ZNF385D: variants seen among roughly 807,000 people sequenced by gnomAD.
ZNF385D encodes zinc finger protein 659.
ZNF385D carries 15 observed loss-of-function variants against 35.8 expected under a neutral mutation model. The observed-to-expected ratio is 0.42, with a 90% CI of 0.28 to 0.64. The LOEUF (loss-of-function observed/expected upper bound fraction) is 0.64, where lower values mean the gene tolerates loss of function less well. Among genes scored for constraint, ZNF385D ranks in the 30% least tolerant of loss-of-function variants. The pLI, the probability that ZNF385D is intolerant of heterozygous loss-of-function variation, is 0.23. For synonymous variants in ZNF385D, 212 were observed against 186.8 expected (o/e 1.13, Z -1.10); for missense variants, 474 against 494.6 (o/e 0.96, Z 0.39).
At chr3:22,128,375 G>T (rs984360188) in intron 3 of ZNF385D, among the ~76,000 whole-genome samples, 6 of 151,706 alleles carry the variant, frequency 4.0e-5, no homozygotes, top group African/African-American at 1.5e-4. Flanking sequence ...CTCTTATTTG[G>T]GTTAAATCTT....
At chr3:22,035,036 A>G (rs963728979) in intron 3 of ZNF385D, among the ~76,000 whole-genome samples, 3 of 152,234 alleles carry the variant, frequency 2.0e-5, no homozygotes, top group Non-Finnish European at 2.9e-5. Flanking sequence ...TAAAGTCAAC[A>G]TTGTCGATTT....
intron 1 of ZNF385D, among the ~76,000 whole-genome samples, chr3:21,690,070 C>T (rs1271850579): frequency 6.6e-6 from 1 of 152,014 alleles, no homozygotes; most frequent in Non-Finnish European, 1.5e-5. Context: ...ATCCTTTATT[C>T]TAGCCGTAAA....
At chr3:21,887,044 T>A (rs892158713) in intron 3 of ZNF385D, among the ~76,000 whole-genome samples, 5 of 152,132 alleles carry the variant, frequency 3.3e-5, no homozygotes, top group Admixed American at 3.3e-4. Flanking sequence ...CATTTATTGA[T>A]CCTTTCTTAT....
At chr3:22,308,456 T>C (rs919999243) in intron 2 of ZNF385D, among the ~76,000 whole-genome samples, 30 of 151,334 alleles carry the variant, frequency 2.0e-4, no homozygotes, top group Admixed American at 1.7e-3. Context: ...TTTGAGAAAG[T>C]GAAAGAGAGA....
chr3:22,349,590 AC>A (rs1350675136), intron 2 of ZNF385D, among the ~76,000 whole-genome samples: 1 of 152,208 alleles, frequency 6.6e-6, no homozygotes, highest in Admixed American at 6.5e-5. Context: ...ATAAGATTTG[AC>A]ATTTCTGGGA....
At chr3:22,087,629 G>A (rs958677295) in intron 3 of ZNF385D, among the ~76,000 whole-genome samples, 1 of 152,052 alleles carries the variant, frequency 6.6e-6, no homozygotes. Flanking sequence ...GGGGATTTTT[G>A]AGCTATCACA....
intron 3 of ZNF385D, among the ~76,000 whole-genome samples, chr3:21,778,782 C>T (rs2071386761): frequency 6.6e-6 from 1 of 151,786 alleles, no homozygotes; most frequent in Admixed American, 6.6e-5. Context: ...AATCAATAAG[C>T]CACTGTGGTT....
intron 2 of ZNF385D, among the ~76,000 whole-genome samples, chr3:21,584,012 C>T (rs4102414): frequency 0.36 from 54,691 of 150,022 alleles, 9,877 homozygotes; most frequent in Middle Eastern, 0.43. Flanking sequence ...TTTTGCCTGT[C>T]GCCCAGGCTG....
Position 21,592,756 on chromosome 3 carries a change from A to C in ZNF385D, c.166-28072T>G, listed in dbSNP as rs190702937. 5.0e-3 allele frequency among the ~76,000 whole-genome samples: 761 copies of C among 152,300 alleles called. 2 individuals are homozygous for C. Among genetic ancestry groups the C allele is most frequent in the Non-Finnish European group, 9.1e-3 (618 of 68,020 alleles). On this transcript the variant is annotated intron_variant, in intron 2 of 7. Transcript: ENST00000281523. Reference sequence around the variant, plus strand: ...CAGCAACAGGTACATTTCAAGAATAAAACCTATTCCATTTTCTTCTAAGTA... The same window carrying C: ...CAGCAACAGGTACATTTCAAGAATACAACCTATTCCATTTTCTTCTAAGTA...
chr3:21,837,646 G>A (rs1453304336), intron 3 of ZNF385D, among the ~76,000 whole-genome samples: 1 of 152,064 alleles, frequency 6.6e-6, no homozygotes, highest in Non-Finnish European at 1.5e-5. Context: ...GGCTGAGGCA[G>A]GCAGATCACG....
intron 2 of ZNF385D, among the ~76,000 whole-genome samples, chr3:22,185,720 C>A (rs1019172587): frequency 6.6e-6 from 1 of 152,216 alleles, no homozygotes; most frequent in Non-Finnish European, 1.5e-5. Context: ...CCCGCCTTGG[C>A]CTTCCAAAGT....
chr3:21,432,014 A>C (rs1701312248), intron 5 of ZNF385D, among the ~76,000 whole-genome samples: 1 of 152,172 alleles, frequency 6.6e-6, no homozygotes. Flanking sequence ...GGGGTATTAG[A>C]TATCAATACA....
chr3:22,268,098 T>C (rs1700987243), intron 2 of ZNF385D, among the ~76,000 whole-genome samples: 1 of 151,918 alleles, frequency 6.6e-6, no homozygotes, highest in African/African-American at 2.4e-5. Flanking sequence ...TCTAAGTAAT[T>C]GTAACAAAAA....
At chr3:21,571,843 T>C (rs550143689) in intron 2 of ZNF385D, among the ~76,000 whole-genome samples, 26 of 152,192 alleles carry the variant, frequency 1.7e-4, no homozygotes, top group Non-Finnish European at 2.9e-4. Context: ...CACATAGGGC[T>C]AGAACTAGGA....
intron 3 of ZNF385D, among the ~76,000 whole-genome samples, chr3:22,100,484 C>A (rs1328388900): frequency 6.6e-6 from 1 of 151,806 alleles, no homozygotes; most frequent in Non-Finnish European, 1.5e-5. Context: ...ACATATACAC[C>A]ATGGATATAC....
intron 3 of ZNF385D, among the ~76,000 whole-genome samples, chr3:21,860,639 A>G (rs11713712): frequency 2.0e-5 from 3 of 152,108 alleles, no homozygotes; most frequent in Non-Finnish European, 4.4e-5. Flanking sequence ...TAGCATGTCC[A>G]TTGTCAGGTT....
chr3:21,811,866 T>A (rs533910882), intron 3 of ZNF385D, among the ~76,000 whole-genome samples: 1 of 152,274 alleles, frequency 6.6e-6, no homozygotes, highest in Admixed American at 6.5e-5. Flanking sequence ...GGATGGTGAA[T>A]TGCATAATGA....
intron 3 of ZNF385D, among the ~76,000 whole-genome samples, chr3:22,075,514 ATCT>A (rs987054118): frequency 6.6e-6 from 1 of 151,668 alleles, no homozygotes; most frequent in Non-Finnish European, 1.5e-5. Flanking sequence ...TCCTTAACAA[ATCT>A]TCTTTCTTGG....
intron 3 of ZNF385D, among the ~76,000 whole-genome samples, chr3:21,866,317 G>A (rs1402143019): frequency 1.3e-5 from 2 of 152,034 alleles, no homozygotes; most frequent in Non-Finnish European, 2.9e-5. Context: ...AGCTGGGCAT[G>A]GTGGCGTGCA....
Sources: allele counts gnomAD v4.1 joint callset (sites outside exome capture counted in the v4.1 genomes callset), GRCh38; gene constraint gnomAD v4.1.1; transcripts MANE v1.5; gene names NCBI Gene and HGNC (gene_info 2026-07-23, HGNC 2026-07-21).